RABGAP1L: variants seen among roughly 807,000 people sequenced by gnomAD.
The protein encoded by RABGAP1L is RAB GTPase activating protein 1 like.
A neutral mutation model predicts 137.7 loss-of-function variants in RABGAP1L; 63 were observed. The ratio of observed to expected loss-of-function variants is 0.46; its 90% CI spans 0.37 to 0.56. The LOEUF (loss-of-function observed/expected upper bound fraction) is 0.56. Ranked by LOEUF, RABGAP1L falls within the 20% of genes least tolerant of loss-of-function variation. RABGAP1L has a pLI of 0.00. For missense variants in RABGAP1L, 1,095 were observed against 1,244.0 expected, an observed-to-expected ratio of 0.88 and a Z score of 1.80; for synonymous variants, 431 against 433.7, an observed-to-expected ratio of 0.99 and a Z score of 0.08.
In RABGAP1L at chr1:174,203,360, A is replaced by G. The variant is rs115096342; in HGVS notation, c.-33-15765A>G. Among the ~76,000 whole-genome samples, 1,454 of 152,264 alleles carry G rather than the reference A, an allele frequency of 9.5e-3. 22 individuals carry two copies. The highest frequency in any genetic ancestry group is 0.034 in the African/African-American group (1,393 of 41,544). On this transcript the variant is annotated intron_variant, in intron 1 of 25. Transcript: ENST00000681986. ...CCAGTTATCTCATCACCATTTATTG[A>G]ACAGGGAGTCTTTTCCCCATTGTTT...
chr1:174,825,767 A>G (rs551717812), intron 19 of RABGAP1L, among the ~76,000 whole-genome samples: 1 of 152,308 alleles, frequency 6.6e-6, no homozygotes, highest in South Asian at 2.1e-4. Flanking sequence ...CTGTAATCCC[A>G]GCTGTAATCC....
chr1:174,259,542 T>TA (rs1673403679), intron 7 of RABGAP1L, among the ~76,000 whole-genome samples: 2 of 152,250 alleles, frequency 1.3e-5, no homozygotes, highest in Non-Finnish European at 2.9e-5. Flanking sequence ...TAAAAGTTTA[T>TA]AAAGTTAGAG....
intron 13 of RABGAP1L, among the ~76,000 whole-genome samples, chr1:174,533,188 C>G (rs567272552): frequency 3.3e-5 from 5 of 152,106 alleles, no homozygotes; most frequent in Non-Finnish European, 7.4e-5. Context: ...GAGCCAAGAT[C>G]GCGCCACTGC....
chr1:174,902,894 G>C (rs61828140), intron 19 of RABGAP1L, among the ~76,000 whole-genome samples: 89,916 of 151,986 alleles, frequency 0.59, 29,490 homozygotes, highest in African/African-American at 0.9. Context: ...TTTTTCATTC[G>C]TCTCCATGAG....
intron 18 of RABGAP1L, among the ~76,000 whole-genome samples, chr1:174,804,561 G>C (rs1037316905): frequency 6.6e-6 from 1 of 152,122 alleles, no homozygotes; most frequent in African/African-American, 2.4e-5. Flanking sequence ...GATCTCTCCA[G>C]CTTGGCCTTC....
chr1:174,826,286 C>T (rs2148899558), intron 19 of RABGAP1L, among the ~76,000 whole-genome samples: 1 of 152,156 alleles, frequency 6.6e-6, no homozygotes, highest in African/African-American at 2.4e-5. Context: ...GGCTGGAGTG[C>T]AATGGTGCGA....
chr1:174,407,679 T>A (rs1273252155), intron 13 of RABGAP1L, among the ~76,000 whole-genome samples: 1 of 152,156 alleles, frequency 6.6e-6, no homozygotes. Flanking sequence ...CTCAAAGTAG[T>A]GGACATCCGC....
In RABGAP1L at chr1:174,256,940, A is replaced by G. The variant is rs78692450; in HGVS notation, c.986+4350A>G. Among the ~76,000 whole-genome samples the G allele has an allele frequency of 7.2e-5, 11 of 152,300 alleles. No individual in the cohort carries two copies. In the East Asian group the frequency reaches 2.1e-3, roughly 29 times the overall value. ...ATTTCTCAACTCTTGCCTTCTCTCT[A>G]CATTTTGTATTCAGTCCTTGGCATT... On this transcript the variant is annotated intron_variant, in intron 7 of 25. Transcript: ENST00000681986.
intron 18 of RABGAP1L, among the ~76,000 whole-genome samples, chr1:174,781,082 C>T (rs989547662): frequency 6.6e-6 from 1 of 152,080 alleles, no homozygotes; most frequent in African/African-American, 2.4e-5. Context: ...TGGGTATATA[C>T]CCAGTAATGG....
At chr1:174,738,033 A>G (rs1185838382) in intron 17 of RABGAP1L, among the ~76,000 whole-genome samples, 3 of 152,210 alleles carry the variant, frequency 2.0e-5, no homozygotes, top group African/African-American at 7.2e-5. Context: ...TAACATTTTG[A>G]CATAAGATTT....
chr1:174,695,124 G>A (rs150647883), intron 15 of RABGAP1L, among the ~76,000 whole-genome samples: 3,209 of 152,054 alleles, frequency 0.021, 53 homozygotes, highest in Middle Eastern at 0.085. Flanking sequence ...AGTAGGTTGC[G>A]AAAATTTTCT....
intron 19 of RABGAP1L, among the ~76,000 whole-genome samples, chr1:174,836,986 C>T (rs1379112838): frequency 6.6e-6 from 1 of 152,206 alleles, no homozygotes; most frequent in African/African-American, 2.4e-5. Flanking sequence ...GTGGGCAAAT[C>T]ACCTGAGGTC....
chr1:174,268,500 G>A (rs1674273370), intron 7 of RABGAP1L, among the ~76,000 whole-genome samples: 1 of 152,044 alleles, frequency 6.6e-6, no homozygotes. Context: ...ACTGCGCCCA[G>A]CCACTTTTTC....
At chr1:174,738,499 T>C (rs909019462) in intron 17 of RABGAP1L, among the ~76,000 whole-genome samples, 1 of 152,188 alleles carries the variant, frequency 6.6e-6, no homozygotes, top group East Asian at 1.9e-4. Context: ...TGGGTGGCAC[T>C]AAAATACAGT....
At chr1:174,601,918 C>T (rs1300593015) in intron 13 of RABGAP1L, among the ~76,000 whole-genome samples, 1 of 152,110 alleles carries the variant, frequency 6.6e-6, no homozygotes, top group Non-Finnish European at 1.5e-5. Flanking sequence ...CACCTTTGCC[C>T]CATTTCCCAA....
intron 13 of RABGAP1L, among the ~76,000 whole-genome samples, chr1:174,544,027 A>AT (rs1163549945): frequency 6.6e-6 from 1 of 151,520 alleles, no homozygotes; most frequent in African/African-American, 2.4e-5. Context: ...TGCCCTTAAC[A>AT]TTTTTTCCTT....
intron 19 of RABGAP1L, among the ~76,000 whole-genome samples, chr1:174,865,323 A>G (rs1265621311): frequency 6.6e-6 from 1 of 152,204 alleles, no homozygotes; most frequent in Non-Finnish European, 1.5e-5. Flanking sequence ...CGTGGGTGAC[A>G]GAACAAGACT....
chr1:174,366,643 C>T (rs1318525720), intron 11 of RABGAP1L, among the ~76,000 whole-genome samples: 2 of 151,772 alleles, frequency 1.3e-5, no homozygotes, highest in East Asian at 1.9e-4. Context: ...GGTTTGGTGG[C>T]GGGCCCCTGT....
intron 18 of RABGAP1L, among the ~76,000 whole-genome samples, chr1:174,789,227 A>G (rs1160561110): frequency 6.6e-6 from 1 of 152,148 alleles, no homozygotes; most frequent in Non-Finnish European, 1.5e-5. Flanking sequence ...AGTCTTTATG[A>G]TGGTTATAGA....
Sources: allele counts gnomAD v4.1 joint callset (sites outside exome capture counted in the v4.1 genomes callset), GRCh38; gene constraint gnomAD v4.1.1; transcripts MANE v1.5; gene names NCBI Gene and HGNC (gene_info 2026-07-23, HGNC 2026-07-21).